Variants in GNAL observed in about 807,000 individuals in gnomAD.
GNAL encodes guanine nucleotide-binding protein G(olf) subunit alpha.
Under a neutral mutation model 55.1 loss-of-function variants are expected in GNAL, and 18 were observed. That is an observed-to-expected ratio of 0.33 (90% CI 0.23 to 0.48). The LOEUF is 0.48. Among genes scored for constraint, GNAL ranks in the 20% least tolerant of loss-of-function variants. The pLI is 0.99. For missense variants in GNAL, 412 were observed against 614.1 expected, an observed-to-expected ratio of 0.67 and a Z score of 3.48; for synonymous variants, 253 against 237.0, an observed-to-expected ratio of 1.07 and a Z score of -0.62.
At chr18:11,784,816 T>A (rs556779908) in intron 4 of GNAL, among the ~76,000 whole-genome samples, 1 of 152,058 alleles carries the variant, frequency 6.6e-6, no homozygotes, top group Non-Finnish European at 1.5e-5. Context: ...CTGTGCGTGC[T>A]CTGTTGGATT....
intron 4 of GNAL, among the ~76,000 whole-genome samples, chr18:11,781,403 G>A (rs1166891974): frequency 6.6e-6 from 1 of 152,082 alleles, no homozygotes; most frequent in African/African-American, 2.4e-5. Context: ...TAATAGATAT[G>A]CACATTTAAT....
At chr18:11,694,987 AC>A (rs2031364804) in intron 1 of GNAL, among the ~76,000 whole-genome samples, 1 of 151,922 alleles carries the variant, frequency 6.6e-6, no homozygotes, top group Non-Finnish European at 1.5e-5. Flanking sequence ...TTAGGGCCCC[AC>A]CTTACGGCCT....
At chr18:11,767,221 T>G (rs990460608) in intron 4 of GNAL, among the ~76,000 whole-genome samples, 2 of 151,712 alleles carry the variant, frequency 1.3e-5, no homozygotes, top group East Asian at 3.9e-4. Context: ...CTGTGCACCC[T>G]TATGCTTACA....
At chr18:11,849,695 T>G (rs1210437460) in intron 5 of GNAL, among the ~76,000 whole-genome samples, 1 of 152,068 alleles carries the variant, frequency 6.6e-6, no homozygotes, top group Non-Finnish European at 1.5e-5. Flanking sequence ...CTTCCCCTTT[T>G]TTTTGGTTGT....
At position 11,752,246 on chromosome 18, in the gene GNAL, G is replaced by A. The variant is rs2032869343; in HGVS notation, c.377-607G>A. The stretch of plus-strand genomic sequence containing the variant: ...GTCTTCCTTACAGCCATTTAGTTGG[G>A]AGTTTGCGGTGGGCAGGGGGAGGGA... On this transcript the variant is annotated intron_variant, in intron 1 of 11. Transcript: ENST00000334049. The surrounding 1 kb of genome is among the most constrained non-coding windows in gnomAD (Gnocchi z 4.5). The A allele has an allele frequency of 4.8e-6, 6 of 1,240,002 alleles. No individual in the cohort carries two copies. Among genetic ancestry groups the A allele is most frequent in the Admixed American group, 3.8e-5 (1 of 26,500 alleles). The allele number at this position is 1,240,002 out of a possible 1,614,324, so 76.8% of individuals were successfully genotyped here.
At position 11,872,401 on chromosome 18, in the gene GNAL, A is replaced by T. The variant is rs2036418090; in HGVS notation, c.1162+3A>T. ...AAATTATACTGTTCCTGAAGACGGT[A>T]AGATTTCAAAACACATTCTTATGAT... On this transcript the variant is annotated splice_donor_region_variant and intron_variant, in intron 10 of 11. Coordinates refer to ENST00000334049, the MANE Select transcript of GNAL (RefSeq NM_182978.4). 1 of 1,539,524 alleles carries T rather than the reference A, an allele frequency of 6.5e-7. No individual in the cohort carries two copies. The highest frequency in any genetic ancestry group is 8.8e-7 in the Non-Finnish European group (1 of 1,137,634).
At chr18:11,745,845 C>A in intron 1 of GNAL, 1 of 170,648 alleles carries the variant, frequency 5.9e-6, no homozygotes, top group Non-Finnish European at 1.3e-5. Context: ...AAAGATGCAA[C>A]ACCATTTTGA....
intron 1 of GNAL, among the ~76,000 whole-genome samples, chr18:11,716,119 C>A (rs756278832): frequency 3.4e-4 from 52 of 152,218 alleles, no homozygotes; most frequent in Non-Finnish European, 7.5e-4. Context: ...AAAAACAGAA[C>A]TACCATTCGA....
In GNAL at chr18:11,881,324, C is replaced by T. The variant is rs955011287; in HGVS notation, c.*189C>T. 5.4e-5 allele frequency: 27 copies of T among 503,102 alleles called. No individual in the cohort carries two copies. The highest frequency in any genetic ancestry group is 7.8e-5 in the Non-Finnish European group (22 of 283,486). The allele number at this position is 503,102 out of a possible 1,614,324, so 31.2% of individuals were successfully genotyped here. A position where few individuals can be genotyped will look rare whatever the true frequency, so the allele number is the denominator to read the frequency against. On this transcript the variant is annotated 3_prime_UTR_variant, in exon 12 of 12. Transcript: ENST00000334049. This position sits in a 1 kb window ranked among gnomAD's most constrained non-coding sequence, Gnocchi z 4.8. ...GTGTAGCTTCTGTTGTCATTGAATA[C>T]GGCCTCCCGCAGCATCCCACCCCCA...
intron 1 of GNAL, among the ~76,000 whole-genome samples, chr18:11,744,366 A>G (rs1371928013): frequency 2.0e-5 from 3 of 152,226 alleles, no homozygotes; most frequent in African/African-American, 7.2e-5. Context: ...GAAAAGGAAA[A>G]TGGAAAAATA....
intron 7 of GNAL, 104 bp downstream of exon 7, chr18:11,864,710 C>A: frequency 1.4e-6 from 1 of 732,256 alleles, no homozygotes; most frequent in Non-Finnish European, 2.6e-6. Context: ...TGCATGGCAG[C>A]CCTTTCAGGT....
At chr18:11,803,387 G>A (rs773913843) in intron 4 of GNAL, among the ~76,000 whole-genome samples, 2 of 152,236 alleles carry the variant, frequency 1.3e-5, no homozygotes, top group Non-Finnish European at 2.9e-5. Context: ...GTTGTAGCAT[G>A]TGTCAGAACT....
At chr18:11,873,144 A>G (rs2036436635) in intron 10 of GNAL, among the ~76,000 whole-genome samples, 1 of 152,240 alleles carries the variant, frequency 6.6e-6, no homozygotes. Flanking sequence ...ATTTAAGGTG[A>G]AATAACACCG....
chr18:11,707,081 C>CA (rs963717766), intron 1 of GNAL, among the ~76,000 whole-genome samples: 1 of 152,152 alleles, frequency 6.6e-6, no homozygotes, highest in Non-Finnish European at 1.5e-5. Context: ...GATCATGACT[C>CA]ACTGCAGCCT....
At chr18:11,866,760 G>C (rs1252748605) in intron 7 of GNAL, among the ~76,000 whole-genome samples, 1 of 150,260 alleles carries the variant, frequency 6.7e-6, no homozygotes, top group Non-Finnish European at 1.5e-5. Context: ...AGTGTCCTGA[G>C]AGCTGGAACA....
At chr18:11,811,063 T>G (rs1034671068) in intron 4 of GNAL, among the ~76,000 whole-genome samples, 1 of 152,108 alleles carries the variant, frequency 6.6e-6, no homozygotes, top group Non-Finnish European at 1.5e-5. Context: ...TTCTAGAATT[T>G]CCTTTACTTA....
chr18:11,704,930 T>C (rs2031669114), intron 1 of GNAL, among the ~76,000 whole-genome samples: 1 of 152,128 alleles, frequency 6.6e-6, no homozygotes, highest in African/African-American at 2.4e-5. Context: ...CTCCTGCATC[T>C]TTGAGTTGAT....
At chr18:11,869,506 T>C (rs947032901) in intron 9 of GNAL, among the ~76,000 whole-genome samples, 1 of 152,226 alleles carries the variant, frequency 6.6e-6, no homozygotes, top group Non-Finnish European at 1.5e-5. Context: ...AGTCTCTGTT[T>C]TGAAAGGCTA....
intron 5 of GNAL, among the ~76,000 whole-genome samples, chr18:11,831,533 A>G (rs547829317): frequency 1.3e-5 from 2 of 152,228 alleles, no homozygotes; most frequent in Admixed American, 6.5e-5. Flanking sequence ...AGGAATGGAA[A>G]CTTACCAAGT....
Sources: gnomAD v4.1 joint callset for allele counts (sites outside exome capture counted in the v4.1 genomes callset) on GRCh38, gnomAD v4.1.1 for gene constraint, Gnocchi (gnomAD v3.1) non-coding constraint, MANE v1.5 for transcripts, NCBI Gene and HGNC (gene_info 2026-07-23, HGNC 2026-07-21) for gene names.